PHLDB2: variants seen among roughly 807,000 people sequenced by gnomAD.
The protein encoded by PHLDB2 is pleckstrin homology like domain family B member 2.
In PHLDB2, 71 loss-of-function variants were observed where a neutral mutation model predicts 123.6. That is an observed-to-expected ratio of 0.57 (90% CI 0.47 to 0.70). The LOEUF (loss-of-function observed/expected upper bound fraction) is 0.70, where lower values mean the gene tolerates loss of function less well. PHLDB2 is among the 30% of genes least tolerant of loss of function. The pLI, the probability that PHLDB2 is intolerant of heterozygous loss-of-function variation, is 0.00. For missense variants in PHLDB2, 1,446 were observed against 1,519.5 expected (o/e 0.95, Z 0.80); for synonymous variants, 547 against 541.6 (o/e 1.01, Z -0.14).
chr3:111,923,542 G>C (rs1463946122), intron 5 of PHLDB2, among the ~76,000 whole-genome samples: 1 of 152,058 alleles, frequency 6.6e-6, no homozygotes, highest in Non-Finnish European at 1.5e-5. Flanking sequence ...CTCATATCCT[G>C]TGCCTACCTG....
intron 2 of PHLDB2, among the ~76,000 whole-genome samples, chr3:111,911,034 A>C (rs1437623752): frequency 6.6e-6 from 1 of 152,192 alleles, no homozygotes; most frequent in African/African-American, 2.4e-5. Flanking sequence ...ACTGCGTTTC[A>C]CTGTCTGAAA....
At chr3:111,906,445 G>T (rs2067539441) in intron 2 of PHLDB2, among the ~76,000 whole-genome samples, 1 of 152,168 alleles carries the variant, frequency 6.6e-6, no homozygotes, top group Non-Finnish European at 1.5e-5. Flanking sequence ...GACCTAAGTG[G>T]TCTGGCTCCA....
intron 1 of PHLDB2, among the ~76,000 whole-genome samples, chr3:111,877,222 C>G (rs7640094): frequency 0.37 from 53,817 of 146,182 alleles, 4,516 homozygotes; most frequent in East Asian, 0.55. Context: ...CACATCCTCT[C>G]CAACATCTGT....
intron 1 of PHLDB2, among the ~76,000 whole-genome samples, chr3:111,880,388 G>A (rs111681079): frequency 0.012 from 1,843 of 152,206 alleles, 51 homozygotes; most frequent in African/African-American, 0.042. Context: ...ATTGTCTAAT[G>A]TCAAAAGAAC....
intron 2 of PHLDB2, among the ~76,000 whole-genome samples, chr3:111,895,669 G>A (rs1438705432): frequency 1.3e-5 from 2 of 152,088 alleles, no homozygotes; most frequent in African/African-American, 4.8e-5. Flanking sequence ...CCAACATGGT[G>A]AAACCTCGTC....
chr3:111,840,580 G>A (rs1310858677), intron 1 of PHLDB2, among the ~76,000 whole-genome samples: 1 of 152,178 alleles, frequency 6.6e-6, no homozygotes, highest in African/African-American at 2.4e-5. Flanking sequence ...AAGGGAGCTT[G>A]ATGATAACAG....
At chr3:111,890,778 T>C (rs1372755556) in intron 2 of PHLDB2, among the ~76,000 whole-genome samples, 1 of 152,206 alleles carries the variant, frequency 6.6e-6, no homozygotes, top group Non-Finnish European at 1.5e-5. Context: ...ATAATCCACT[T>C]TGAGTCCGTA....
At chr3:111,931,988 C>G (rs1317735047) in intron 5 of PHLDB2, among the ~76,000 whole-genome samples, 1 of 152,118 alleles carries the variant, frequency 6.6e-6, no homozygotes, top group Non-Finnish European at 1.5e-5. Context: ...CCATTGCTTC[C>G]CCTGCTTTTG....
chr3:111,779,044 A>C (rs746231483), intron 1 of PHLDB2, among the ~76,000 whole-genome samples: 4 of 152,172 alleles, frequency 2.6e-5, no homozygotes, highest in Middle Eastern at 3.4e-3. Context: ...CCTGGAGGGT[A>C]TGTAAAACTC....
chr3:111,834,166 G>T (rs1170839183), intron 1 of PHLDB2, among the ~76,000 whole-genome samples: 1 of 114,176 alleles, frequency 8.8e-6, no homozygotes, highest in Non-Finnish European at 1.6e-5. Flanking sequence ...TATTATATAT[G>T]TAATAGAATT....
intron 5 of PHLDB2, among the ~76,000 whole-genome samples, chr3:111,923,372 C>G (rs553658719): frequency 7.9e-4 from 121 of 152,316 alleles, no homozygotes; most frequent in African/African-American, 2.8e-3. Flanking sequence ...TTCTGGTTTT[C>G]CATCTATTTC....
intron 2 of PHLDB2, among the ~76,000 whole-genome samples, chr3:111,908,958 T>C (rs2067711143): frequency 6.6e-6 from 1 of 152,152 alleles, no homozygotes; most frequent in African/African-American, 2.4e-5. Flanking sequence ...TTAGGGCTGT[T>C]GTAATCCCTA....
At chr3:111,857,977 T>C (rs576632194), upstream of PHLDB2, among the ~76,000 whole-genome samples, 1 of 152,298 alleles carries the variant, frequency 6.6e-6, no homozygotes, top group Non-Finnish European at 1.5e-5. Flanking sequence ...GAATTATAAA[T>C]CATTCTACTA....
At chr3:111,780,271 A>AGAAAGAAGAAGAAGAAG (rs34178824) in intron 1 of PHLDB2, among the ~76,000 whole-genome samples, 5 of 7,774 alleles carry the variant, frequency 6.4e-4, no homozygotes, top group African/African-American at 2.0e-3. Context: ...AAGAAGAAGA[A>AGAAAGAAGAAGAAGAAG]AAGAAGAAGA....
At chr3:111,849,869 CTT>C (rs200384588) in intron 2 of PHLDB2, among the ~76,000 whole-genome samples, 7 of 148,918 alleles carry the variant, frequency 4.7e-5, no homozygotes, top group African/African-American at 1.7e-4. Flanking sequence ...GGCCATTATT[CTT>C]TTTTTTTTGG....
At chr3:111,870,591 G>T (rs1012376352) in intron 1 of PHLDB2, among the ~76,000 whole-genome samples, 1 of 152,048 alleles carries the variant, frequency 6.6e-6, no homozygotes, top group Admixed American at 6.5e-5. Flanking sequence ...TGTGTCCATT[G>T]TTGTCCACTA....
intron 1 of PHLDB2, among the ~76,000 whole-genome samples, chr3:111,749,552 T>C (rs1039205576): frequency 6.6e-6 from 1 of 152,184 alleles, no homozygotes; most frequent in Non-Finnish European, 1.5e-5. Flanking sequence ...AGGGTAGTGG[T>C]GTTAAATTTA....
intron 2 of PHLDB2, chr3:111,911,609 G>C: frequency 6.5e-7 from 1 of 1,535,816 alleles, no homozygotes; most frequent in Non-Finnish European, 8.7e-7. Context: ...CTCCTGGATG[G>C]ATAGGGTGCA....
chr3:111,961,597 A>C (rs750452402), intron 12 of PHLDB2, among the ~76,000 whole-genome samples: 24 of 152,222 alleles, frequency 1.6e-4, no homozygotes, highest in Non-Finnish European at 2.8e-4. Flanking sequence ...AACAAGATTA[A>C]AAGTGTCAGT....
Sources: allele counts gnomAD v4.1 joint callset (sites outside exome capture counted in the v4.1 genomes callset), GRCh38; gene constraint gnomAD v4.1.1; transcripts MANE v1.5; gene names NCBI Gene and HGNC (gene_info 2026-07-23, HGNC 2026-07-21).